Variants in SMG6 observed in about 807,000 individuals in gnomAD.
SMG6 encodes the protein telomerase-binding protein EST1A.
SMG6 carries 66 observed loss-of-function variants against 142.2 expected under a neutral mutation model. The ratio of observed to expected loss-of-function variants is 0.46; its 90% CI spans 0.38 to 0.57. The LOEUF is 0.57. Among genes scored for constraint, SMG6 ranks in the 20% least tolerant of loss-of-function variants. The probability of loss-of-function intolerance (pLI) is 0.00; values close to 1 mark genes in which losing one functional copy is unlikely to be tolerated. For synonymous variants in SMG6, 779 were observed against 702.4 expected, an observed-to-expected ratio of 1.11 and a Z score of -1.72; for missense variants, 1,793 against 1,832.0, an observed-to-expected ratio of 0.98 and a Z score of 0.39.
chr17:2,232,198 C>T (rs2073516477), intron 10 of SMG6, among the ~76,000 whole-genome samples: 2 of 152,064 alleles, frequency 1.3e-5, no homozygotes, highest in Admixed American at 6.5e-5. Context: ...CAATTCTTCC[C>T]TTCAAGAAAC....
intron 13 of SMG6, chr17:2,087,894 T>A (rs955962744): frequency 2.0e-6 from 2 of 985,708 alleles, no homozygotes; most frequent in African/African-American, 1.7e-5. Flanking sequence ...GTCGTTACAG[T>A]GTGTGTCAGC....
At chr17:2,291,115 A>C (rs893129549) in intron 6 of SMG6, among the ~76,000 whole-genome samples, 2 of 152,280 alleles carry the variant, frequency 1.3e-5, no homozygotes, top group African/African-American at 4.8e-5. Context: ...GCGGATCACG[A>C]GGTCAGGAGG....
At chr17:2,186,879 C>T (rs906896130) in intron 11 of SMG6, 48 bp from the exon 12 acceptor site, 54 of 1,591,208 alleles carry the variant, frequency 3.4e-5, no homozygotes, top group Non-Finnish European at 4.5e-5. Flanking sequence ...CTGTAGCCCC[C>T]GAGTGAGGCC....
At chr17:2,143,396 C>A (rs2070550229) in intron 13 of SMG6, among the ~76,000 whole-genome samples, 1 of 152,076 alleles carries the variant, frequency 6.6e-6, no homozygotes, top group East Asian at 1.9e-4. Context: ...ATGATTCAGG[C>A]ATAAAAAGGA....
At chr17:2,091,765 C>T (rs189411924) in intron 13 of SMG6, among the ~76,000 whole-genome samples, 2 of 151,170 alleles carry the variant, frequency 1.3e-5, no homozygotes, top group African/African-American at 2.4e-5. Context: ...CTGCCTCCCG[C>T]GTTCACGCCA....
At chr17:2,203,452 C>T (rs897648613) in intron 10 of SMG6, among the ~76,000 whole-genome samples, 4 of 152,170 alleles carry the variant, frequency 2.6e-5, no homozygotes, top group Non-Finnish European at 5.9e-5. Context: ...TCTGCTTCTA[C>T]ACTGCTTGCC....
In SMG6 at chr17:2,300,174, A is replaced by T. The variant is rs2075246550; in HGVS notation, c.579T>A (p.Asn193Lys). ...TTTCTATCTCAGCCCTGTCTGGTTTATTCGCAACTTCCTCCTTCGCAACAT... is the reference window on the plus strand; with the variant it reads ...TTTCTATCTCAGCCCTGTCTGGTTTTTTCGCAACTTCCTCCTTCGCAACAT... Reference protein sequence around the residue: ...RGNVAKEEVANKPDRAEIEKS... With the variant: ...RGNVAKEEVAKKPDRAEIEKS... The change falls in exon 2 of 19, where the codon AAT becomes AAA. Residue 193 changes from asparagine (N) to lysine (K), a missense_variant. Transcript: ENST00000263073. 1 of 1,613,640 alleles carries T rather than the reference A, an allele frequency of 6.2e-7. No homozygotes were observed. The highest frequency in any genetic ancestry group is 1.3e-5 in the African/African-American group (1 of 74,864).
intron 13 of SMG6, among the ~76,000 whole-genome samples, chr17:2,167,230 T>A (rs908337863): frequency 4.3e-5 from 6 of 140,082 alleles, no homozygotes; most frequent in Admixed American, 1.4e-4. Context: ...GAACAAATAA[T>A]GCAATAGAAG....
intron 10 of SMG6, among the ~76,000 whole-genome samples, chr17:2,226,893 G>C (rs984735199): frequency 2.6e-5 from 4 of 152,106 alleles, no homozygotes; most frequent in African/African-American, 9.7e-5. Context: ...GGCAGAGTGA[G>C]ACTCCACCTC....
At chr17:2,198,077 C>A (rs1045979784) in intron 10 of SMG6, among the ~76,000 whole-genome samples, 2 of 152,124 alleles carry the variant, frequency 1.3e-5, no homozygotes, top group African/African-American at 4.8e-5. Context: ...CTAGAAACAA[C>A]CCAAATGTCT....
At chr17:2,180,971 C>A (rs546362893) in intron 12 of SMG6, among the ~76,000 whole-genome samples, 1 of 152,164 alleles carries the variant, frequency 6.6e-6, no homozygotes, top group South Asian at 2.1e-4. Context: ...TTCCTGCTCC[C>A]TTGGGAGCAT....
chr17:2,219,153 G>A (rs2073102083), intron 10 of SMG6, among the ~76,000 whole-genome samples: 1 of 151,680 alleles, frequency 6.6e-6, no homozygotes, highest in Non-Finnish European at 1.5e-5. Flanking sequence ...GGGAGGCGGA[G>A]GTGGGTGGAT....
intron 16 of SMG6, among the ~76,000 whole-genome samples, chr17:2,067,970 A>C (rs1458112557): frequency 6.6e-6 from 1 of 152,134 alleles, no homozygotes; most frequent in South Asian, 2.1e-4. Flanking sequence ...TGAGAAGGGG[A>C]TGTGCAAACG....
chr17:2,261,804 G>C (rs746470020), intron 8 of SMG6, among the ~76,000 whole-genome samples: 2 of 152,188 alleles, frequency 1.3e-5, no homozygotes, highest in African/African-American at 2.4e-5. Flanking sequence ...GTGACCACAA[G>C]TGACAGCTTC....
At chr17:2,087,218 G>T in intron 13 of SMG6, 1 of 1,290,242 alleles carries the variant, frequency 7.8e-7, no homozygotes. Flanking sequence ...CACACAGTAG[G>T]CTCACAGTAA....
chr17:2,209,554 G>C (rs1329265386), intron 10 of SMG6, among the ~76,000 whole-genome samples: 10 of 152,164 alleles, frequency 6.6e-5, no homozygotes, highest in Non-Finnish European at 8.8e-5. Flanking sequence ...AGTAGAGATG[G>C]GGTTTCACCA....
In SMG6 at chr17:2,085,604, G is replaced by T; in HGVS notation, c.3534+121C>A. The T allele has an allele frequency of 1.9e-6, 2 of 1,026,590 alleles. No individual in the cohort carries two copies. The highest frequency in any genetic ancestry group is 2.9e-6 in the Non-Finnish European group (2 of 699,364). 63.6% of individuals were successfully genotyped at this position (1,026,590 alleles called of 1,614,324 possible). The stretch of plus-strand genomic sequence containing the variant: ...GAGCACACTCTCGAGAAGCTGGCTG[G>T]TCACATTAACACAGACGCTGTTCTC... On this transcript the variant is annotated intron_variant, in intron 14 of 18. Coordinates refer to ENST00000263073, the MANE Select transcript of SMG6 (RefSeq NM_017575.5). The surrounding 1 kb of genome is among the most constrained non-coding windows in gnomAD (Gnocchi z 4.1).
intron 13 of SMG6, among the ~76,000 whole-genome samples, chr17:2,170,216 C>A (rs2071461101): frequency 6.6e-6 from 1 of 152,140 alleles, no homozygotes. Flanking sequence ...GCCGCCACTG[C>A]CCCCTAGGTA....
chr17:2,170,179 A>G (rs2071459783), intron 13 of SMG6, among the ~76,000 whole-genome samples: 1 of 152,108 alleles, frequency 6.6e-6, no homozygotes, highest in Non-Finnish European at 1.5e-5. Flanking sequence ...CAGTCGTTGA[A>G]GTGGAGACCT....
Sources: allele counts gnomAD v4.1 joint callset (sites outside exome capture counted in the v4.1 genomes callset), GRCh38; gene constraint gnomAD v4.1.1; non-coding constraint Gnocchi (gnomAD v3.1); transcripts MANE v1.5; gene names NCBI Gene and HGNC (gene_info 2026-07-23, HGNC 2026-07-21).